Variants in PTPRD observed in about 807,000 individuals in gnomAD.
PTPRD encodes the protein receptor-type tyrosine-protein phosphatase delta.
PTPRD carries 34 observed loss-of-function variants against 214.5 expected under a neutral mutation model. The ratio of observed to expected loss-of-function variants is 0.16; its 90% CI spans 0.12 to 0.21. The LOEUF (loss-of-function observed/expected upper bound fraction) is 0.21. PTPRD is among the 10% of genes least tolerant of loss of function. The probability of loss-of-function intolerance (pLI) is 1.00; values close to 1 mark genes in which losing one functional copy is unlikely to be tolerated. For missense variants in PTPRD, 2,545 were observed against 2,398.7 expected, an observed-to-expected ratio of 1.06 and a Z score of -1.27; for synonymous variants, 1,128 against 845.7, an observed-to-expected ratio of 1.33 and a Z score of -5.79.
intron 11 of PTPRD, among the ~76,000 whole-genome samples, chr9:8,955,608 GT>G (rs1237886066): frequency 6.6e-6 from 1 of 151,608 alleles, no homozygotes; most frequent in African/African-American, 2.4e-5. Flanking sequence ...GGCTATTTCT[GT>G]TTTTTATTTT....
At chr9:9,093,282 T>G (rs1008953839) in intron 10 of PTPRD, among the ~76,000 whole-genome samples, 11 of 151,986 alleles carry the variant, frequency 7.2e-5, no homozygotes, top group Non-Finnish European at 1.5e-4. Context: ...ACAATTAAAC[T>G]GAAAATCAGT....
At chr9:8,331,146 C>A (rs1430870181) in intron 44 of PTPRD, among the ~76,000 whole-genome samples, 1 of 148,486 alleles carries the variant, frequency 6.7e-6, no homozygotes, top group Non-Finnish European at 1.5e-5. Context: ...CCATACTAAG[C>A]ACTTATTGAC....
chr9:9,244,315 G>A (rs1193736661), intron 9 of PTPRD, among the ~76,000 whole-genome samples: 1 of 152,042 alleles, frequency 6.6e-6, no homozygotes, highest in Non-Finnish European at 1.5e-5. Flanking sequence ...CCAAAAAAGA[G>A]CCCGCATTGC....
intron 5 of PTPRD, among the ~76,000 whole-genome samples, chr9:9,825,560 C>A (rs1037157225): frequency 1.3e-5 from 2 of 151,910 alleles, no homozygotes; most frequent in Non-Finnish European, 2.9e-5. Context: ...GACTTTTAAC[C>A]ATTACTTAGC....
chr9:9,509,294 A>T (rs1306604091), intron 8 of PTPRD, among the ~76,000 whole-genome samples: 3 of 151,578 alleles, frequency 2.0e-5, no homozygotes, highest in East Asian at 1.9e-4. Context: ...ACTGATGTTT[A>T]TGGTTTCTTT....
chr9:9,868,272 AAAG>A (rs2064494221), intron 5 of PTPRD, among the ~76,000 whole-genome samples: 1 of 152,208 alleles, frequency 6.6e-6, no homozygotes, highest in Admixed American at 6.5e-5. Flanking sequence ...AGATGACAGA[AAAG>A]AACTTGAAGT....
chr9:8,921,492 G>A (rs545867398), intron 11 of PTPRD, among the ~76,000 whole-genome samples: 9 of 150,376 alleles, frequency 6.0e-5, no homozygotes, highest in Admixed American at 3.3e-4. Context: ...AAAAGTTTTC[G>A]CATTTTTTTT....
intron 4 of PTPRD, among the ~76,000 whole-genome samples, chr9:9,952,677 C>A (rs2060612821): frequency 6.6e-6 from 1 of 151,992 alleles, no homozygotes; most frequent in African/African-American, 2.4e-5. Context: ...CACCATTTTG[C>A]CAGGATAACT....
At chr9:8,404,240 T>C in intron 36 of PTPRD, among the ~76,000 whole-genome samples, 1 of 152,176 alleles carries the variant, frequency 6.6e-6, no homozygotes, top group Admixed American at 6.5e-5. Flanking sequence ...GTGATTCTCC[T>C]GCCTCAGCGT....
At chr9:9,292,483 T>C (rs1420404177) in intron 9 of PTPRD, among the ~76,000 whole-genome samples, 1 of 151,458 alleles carries the variant, frequency 6.6e-6, no homozygotes, top group African/African-American at 2.4e-5. Flanking sequence ...TAGAATACTT[T>C]AACAGAAAAA....
chr9:9,018,321 G>A (rs1191638760), intron 11 of PTPRD, among the ~76,000 whole-genome samples: 1 of 152,102 alleles, frequency 6.6e-6, no homozygotes, highest in Admixed American at 6.6e-5. Context: ...TAGGCTAGAG[G>A]TCACACTAAG....
chr9:9,563,068 A>G (rs1013094561), intron 8 of PTPRD, among the ~76,000 whole-genome samples: 2 of 152,186 alleles, frequency 1.3e-5, no homozygotes, highest in Non-Finnish European at 1.5e-5. Context: ...AATTTTAGCT[A>G]ATTGTATGGT....
At chr9:9,964,896 A>AG (rs2094581327) in intron 4 of PTPRD, among the ~76,000 whole-genome samples, 3 of 152,166 alleles carry the variant, frequency 2.0e-5, no homozygotes, top group Non-Finnish European at 4.4e-5. Context: ...CTAATTTTTC[A>AG]TTTGAAATAT....
intron 11 of PTPRD, among the ~76,000 whole-genome samples, chr9:8,925,701 A>G (rs903314911): frequency 2.0e-5 from 3 of 150,578 alleles, no homozygotes; most frequent in African/African-American, 7.3e-5. Flanking sequence ...CTTTTCCTTT[A>G]CGCCACACCT....
chr9:9,611,554 T>C (rs1395177509), intron 7 of PTPRD, among the ~76,000 whole-genome samples: 1 of 152,082 alleles, frequency 6.6e-6, no homozygotes, highest in Non-Finnish European at 1.5e-5. Context: ...ATGTATCTAA[T>C]CTGTATATGA....
intron 6 of PTPRD, among the ~76,000 whole-genome samples, chr9:9,755,077 G>C (rs1324965068): frequency 6.6e-6 from 1 of 151,888 alleles, no homozygotes; most frequent in African/African-American, 2.4e-5. Context: ...AGAAATTTTG[G>C]GGAGATATAC....
chr9:8,867,737 A>T (rs1257287491), intron 11 of PTPRD, among the ~76,000 whole-genome samples: 2 of 152,182 alleles, frequency 1.3e-5, no homozygotes, highest in Non-Finnish European at 2.9e-5. Flanking sequence ...CCTGCCTTTT[A>T]TTAAAGTTAT....
chr9:10,252,713 A>G (rs1344943838), intron 3 of PTPRD, among the ~76,000 whole-genome samples: 2 of 152,172 alleles, frequency 1.3e-5, no homozygotes, highest in Non-Finnish European at 2.9e-5. Flanking sequence ...TTTTTACTTA[A>G]AAAAGCCAAA....
At chr9:9,316,332 T>C (rs1001798357) in intron 9 of PTPRD, among the ~76,000 whole-genome samples, 2 of 152,034 alleles carry the variant, frequency 1.3e-5, no homozygotes, top group African/African-American at 4.8e-5. Flanking sequence ...TATGAACTGA[T>C]TGAATTGCAG....
Sources: gnomAD v4.1 joint callset for allele counts (sites outside exome capture counted in the v4.1 genomes callset) on GRCh38, gnomAD v4.1.1 for gene constraint, MANE v1.5 for transcripts, NCBI Gene and HGNC (gene_info 2026-07-23, HGNC 2026-07-21) for gene names.